The following ZFAT variants were observed in gnomAD, a reference collection of about 807,000 sequenced individuals.
The protein encoded by ZFAT is zinc finger protein ZFAT.
In ZFAT, 64 loss-of-function variants were observed where a neutral mutation model predicts 117.7. That is an observed-to-expected ratio of 0.54 (90% CI 0.44 to 0.67). The LOEUF is 0.67. ZFAT is among the 30% of genes least tolerant of loss of function. The pLI is 0.00. For missense variants in ZFAT, 1,433 were observed against 1,584.5 expected, an observed-to-expected ratio of 0.90 and a Z score of 1.62; for synonymous variants, 679 against 615.0, an observed-to-expected ratio of 1.10 and a Z score of -1.54.
At chr8:134,588,999 TAGA>T (rs780129091) in intron 8 of ZFAT, among the ~76,000 whole-genome samples, 1 of 152,200 alleles carries the variant, frequency 6.6e-6, no homozygotes, top group Non-Finnish European at 1.5e-5. Flanking sequence ...TAAAATATCC[TAGA>T]AGAAGAAAAG....
intron 11 of ZFAT, among the ~76,000 whole-genome samples, chr8:134,541,153 C>G (rs965026672): frequency 1.3e-5 from 2 of 152,126 alleles, no homozygotes; most frequent in African/African-American, 4.8e-5. Flanking sequence ...AATATTTTTC[C>G]CTCCAGAACT....
At chr8:134,709,538 C>CA (rs1813909411) in intron 1 of ZFAT, among the ~76,000 whole-genome samples, 1 of 152,184 alleles carries the variant, frequency 6.6e-6, no homozygotes, top group African/African-American at 2.4e-5. Context: ...GAAACTTTAA[C>CA]AGGGTAAACA....
At chr8:134,709,922 C>T (rs943048074) in intron 1 of ZFAT, among the ~76,000 whole-genome samples, 3 of 152,218 alleles carry the variant, frequency 2.0e-5, no homozygotes, top group African/African-American at 4.8e-5. Flanking sequence ...CTGTAGACCA[C>T]ATGCAACTCC....
intron 11 of ZFAT, among the ~76,000 whole-genome samples, chr8:134,560,666 G>C (rs1197689780): frequency 6.6e-6 from 1 of 152,110 alleles, no homozygotes; most frequent in African/African-American, 2.4e-5. Flanking sequence ...TAGCTAGATG[G>C]AAGGATTTGG....
At chr8:134,756,449 C>T in the ZFAT span, among the ~76,000 whole-genome samples, 3 of 152,240 alleles carry the variant, frequency 2.0e-5, no homozygotes, top group Non-Finnish European at 4.4e-5. Context: ...GACACAAACA[C>T]AGGTCCCAGG....
chr8:134,643,898 T>C (rs1830727936), intron 2 of ZFAT, among the ~76,000 whole-genome samples: 1 of 152,090 alleles, frequency 6.6e-6, no homozygotes, highest in African/African-American at 2.4e-5. Flanking sequence ...GTGTGCCCTT[T>C]CCACTACACT....
At chr8:134,566,393 C>CGAAAAAAAAAAA (rs1824466792) in intron 10 of ZFAT, among the ~76,000 whole-genome samples, 1 of 77,298 alleles carries the variant, frequency 1.3e-5, no homozygotes, top group Non-Finnish European at 2.4e-5. Flanking sequence ...GACTCCAACT[C>CGAAAAAAAAAAA]AAAAAAAAAA....
chr8:134,560,697 A>T (rs1360214447), intron 11 of ZFAT, among the ~76,000 whole-genome samples: 1 of 152,230 alleles, frequency 6.6e-6, no homozygotes, highest in African/African-American at 2.4e-5. Context: ...AGAGTTGAAT[A>T]GCTAGATGGA....
At chr8:134,751,080 AT>A in the ZFAT span, among the ~76,000 whole-genome samples, 5 of 151,404 alleles carry the variant, frequency 3.3e-5, no homozygotes, top group East Asian at 1.9e-4. Flanking sequence ...TGCTAAATAC[AT>A]TTTTTTTTCA....
chr8:134,486,424 A>G (rs7833804), intron 15 of ZFAT, among the ~76,000 whole-genome samples: 35,558 of 152,086 alleles, frequency 0.23, 4,333 homozygotes, highest in Admixed American at 0.3. Context: ...ATTTCGCTTC[A>G]GGCATCCTTC....
chr8:134,487,827 T>C (rs1817760581), intron 15 of ZFAT, among the ~76,000 whole-genome samples: 1 of 152,224 alleles, frequency 6.6e-6, no homozygotes, highest in East Asian at 1.9e-4. Flanking sequence ...CAGCTAGCAC[T>C]TCATGCCGCT....
chr8:134,559,767 T>A (rs1033142204), intron 11 of ZFAT, among the ~76,000 whole-genome samples: 1 of 152,334 alleles, frequency 6.6e-6, no homozygotes, highest in East Asian at 1.9e-4. Flanking sequence ...TATTTTTTTT[T>A]AATTATCAGT....
In ZFAT at chr8:134,712,724, C is replaced by T. The variant is rs542895322; in HGVS notation, c.19+121G>A. On this transcript the variant is annotated intron_variant, in intron 1 of 15. Transcript: ENST00000377838. ...CCCCAGACCCGGATCCCTCCGCGGC[C>T]GGCGGCCGGCGGCCGGCGGCCGGCG... The T allele has an allele frequency of 2.5e-4, 184 of 749,402 alleles. 6 individuals carry two copies. The South Asian group carries it at 4.6e-3, about 19-fold the overall frequency. 46.4% of individuals were successfully genotyped at this position (749,402 alleles called of 1,614,324 possible). A position where few individuals can be genotyped will look rare whatever the true frequency, so the allele number is the denominator to read the frequency against.
chr8:134,711,929 T>C (rs1479333351), intron 1 of ZFAT, among the ~76,000 whole-genome samples: 1 of 152,198 alleles, frequency 6.6e-6, no homozygotes, highest in Non-Finnish European at 1.5e-5. Flanking sequence ...GATGAACTGG[T>C]AGGCTCGGAA....
At chr8:134,599,314 C>T (rs761292743) in intron 7 of ZFAT, 11 of 161,594 alleles carry the variant, frequency 6.8e-5, no homozygotes, top group East Asian at 1.9e-4. Context: ...TGTGTGTGCG[C>T]GCGCATGCAT....
chr8:134,690,093 C>A (rs999311800), intron 1 of ZFAT, among the ~76,000 whole-genome samples: 1 of 152,184 alleles, frequency 6.6e-6, no homozygotes, highest in Admixed American at 6.5e-5. Context: ...TCACCTACAG[C>A]ACATCAAAGT....
chr8:134,779,529 T>C, the ZFAT span, among the ~76,000 whole-genome samples: 1 of 152,282 alleles, frequency 6.6e-6, no homozygotes, highest in African/African-American at 2.4e-5. Flanking sequence ...ACACGACAAC[T>C]GGGCAGTTGC....
chr8:134,584,850 A>G (rs1300444839), intron 9 of ZFAT, among the ~76,000 whole-genome samples: 1 of 152,202 alleles, frequency 6.6e-6, no homozygotes, highest in Non-Finnish European at 1.5e-5. Context: ...GACAATTTTT[A>G]GTAGTAAGCC....
chr8:134,699,258 C>T, intron 1 of ZFAT, among the ~76,000 whole-genome samples: 1 of 152,152 alleles, frequency 6.6e-6, no homozygotes, highest in Non-Finnish European at 1.5e-5. Flanking sequence ...GTATGAAATG[C>T]TTCTATCAAT....
Sources: gnomAD v4.1 joint callset for allele counts (sites outside exome capture counted in the v4.1 genomes callset) on GRCh38, gnomAD v4.1.1 for gene constraint, MANE v1.5 for transcripts, NCBI Gene and HGNC (gene_info 2026-07-23, HGNC 2026-07-21) for gene names.